NID1: variants seen among roughly 807,000 people sequenced by gnomAD.
NID1 encodes nidogen 1, also known as nidogen-1.
A neutral mutation model predicts 130.6 loss-of-function variants in NID1; 76 were observed. The ratio of observed to expected loss-of-function variants is 0.58; its 90% confidence interval spans 0.48 to 0.70. The LOEUF is 0.70. Ranked by LOEUF, NID1 falls within the 30% of genes least tolerant of loss-of-function variation. NID1 has a pLI of 0.00. For synonymous variants in NID1, 665 were observed against 675.1 expected (o/e 0.98, Z 0.23); for missense variants, 1,517 against 1,664.8 (o/e 0.91, Z 1.54).
At chr1:236,014,738 C>T (rs1027918600) in intron 10 of NID1, among the ~76,000 whole-genome samples, 3 of 152,168 alleles carry the variant, frequency 2.0e-5, no homozygotes, top group African/African-American at 7.2e-5. Context: ...TGCCATCATG[C>T]CCTGCACCAA....
At chr1:235,999,889 CAT>C (rs1207999843) in intron 12 of NID1, among the ~76,000 whole-genome samples, 1 of 152,150 alleles carries the variant, frequency 6.6e-6, no homozygotes, top group Non-Finnish European at 1.5e-5. Context: ...GGCCACGTCT[CAT>C]TACCATTAAC....
Position 235,979,097 on chromosome 1 carries a change from C to A in NID1, c.3520G>T (p.Val1174Phe). The A allele has an allele frequency of 6.2e-7, 1 of 1,611,688 alleles. No individual in the cohort carries two copies. The highest frequency in any genetic ancestry group is 8.5e-7 in the Non-Finnish European group (1 of 1,177,888). Residue 1174 changes from valine (V) to phenylalanine (F), a missense_variant, in exon 19 of 20, where the codon GTT becomes TTT. Val to Phe is a conservative substitution (Grantham distance 50). Around this residue, in one of 3 missense-constraint regions of NID1, gnomAD observed 181 missense variants for 211.3 expected, o/e 0.86. Transcript: ENST00000264187. This position sits in a 1 kb window ranked among gnomAD's most constrained non-coding sequence, Gnocchi z 4.6. ...TTGGAAATTGCAAGATCGAGAGCAA[C>A]CACGGAATTCCTACAAAGCACCAAA... ...YFTDWKMNSVVALDLAISKET... is the reference protein window; with the variant it reads ...YFTDWKMNSVFALDLAISKET...
chr1:236,064,819 T>C, intron 1 of NID1, 36 bp downstream of exon 1: 1 of 1,579,338 alleles, frequency 6.3e-7, no homozygotes, highest in Non-Finnish European at 8.6e-7. Flanking sequence ...CGCCGCGCCC[T>C]GCAGCCCCTC....
chr1:236,007,750 C>G (rs914668893), intron 12 of NID1, among the ~76,000 whole-genome samples: 1 of 152,168 alleles, frequency 6.6e-6, no homozygotes, highest in African/African-American at 2.4e-5. Flanking sequence ...AAGACCACAG[C>G]CCCGACTAAT....
chr1:235,985,324 C>A, intron 15 of NID1, 55 bp downstream of exon 15: 1 of 1,606,218 alleles, frequency 6.2e-7, no homozygotes, highest in South Asian at 1.1e-5. Context: ...CATACATGGC[C>A]ACTTTGGCTG....
intron 8 of NID1, 91 bp from the exon 9 acceptor site, chr1:236,024,304 C>A: frequency 1.4e-6 from 2 of 1,466,576 alleles, no homozygotes; most frequent in South Asian, 2.6e-5. Context: ...AACTGGTGAG[C>A]AAGAAGGTGA....
rs1346103577 is a variant in NID1 at position 235,977,286 on chromosome 1, A to AT, written c.*580dup. The AT allele has an allele frequency of 6.6e-6, 1 of 152,662 alleles. No individual in the cohort carries two copies. The highest frequency in any genetic ancestry group is 1.5e-5 in the Non-Finnish European group (1 of 68,404). The allele number at this position is 152,662 out of a possible 1,614,324, so 9.5% of individuals were successfully genotyped here. ...TTTGATGAAAAAGCAGCGCATGAAT[A>AT]TTATAATGGGGGTCTTAGACAAGAT... On this transcript the variant is annotated 3_prime_UTR_variant, in exon 20 of 20. Coordinates refer to ENST00000264187, the MANE Select transcript of NID1 (RefSeq NM_002508.3).
At chr1:235,985,279 G>A in intron 15 of NID1, 100 bp downstream of exon 15, 3 of 1,227,940 alleles carry the variant, frequency 2.4e-6, no homozygotes, top group Non-Finnish European at 2.4e-6. Flanking sequence ...AGAAATGTTT[G>A]TGAAAGTTTG....
At chr1:235,978,288 G>A (rs1350641470) in intron 19 of NID1, among the ~76,000 whole-genome samples, 1 of 152,202 alleles carries the variant, frequency 6.6e-6, no homozygotes, top group African/African-American at 2.4e-5. Context: ...TTATAACATA[G>A]AATTGGAATT....
In NID1 at chr1:236,048,873, G is replaced by A. The variant is rs768178715; in HGVS notation, c.342C>T (p.Thr114=). The change falls in exon 2 of 20, where the codon ACC becomes ACT. Residue 114 remains threonine, a synonymous_variant. Transcript: ENST00000264187. ...VAPFLADLDT[T]DGLGKVYYRE... is the part of the protein sequence containing the mutation. ...GATAATAAACCTTCCCCAGGCCATC[G>A]GTCGTGTCCAAGTCCGCCAGGAAAG... The A allele has an allele frequency of 1.7e-5, 27 of 1,613,966 alleles. No individual in the cohort carries two copies. The Admixed American group carries it at 1.8e-4, about 11-fold the overall frequency.
In NID1 at chr1:236,021,228, A is replaced by G. The variant is rs150732317; in HGVS notation, c.2128+2842T>C. 5.7e-3 allele frequency among the ~76,000 whole-genome samples: 875 copies of G among 152,348 alleles called. 10 individuals carry two copies. Among genetic ancestry groups the G allele is most frequent in the Middle Eastern group, 0.027 (8 of 294 alleles). ...TGCTGCTTTGAACTGGCCAGAGCCA[A>G]TTCAGCCATTCAAGGCTGTCAGGCT... On this transcript the variant is annotated intron_variant, in intron 9 of 19. Coordinates refer to ENST00000264187, the MANE Select transcript of NID1 (RefSeq NM_002508.3).
At chr1:236,039,384 T>A (rs1328961289) in intron 4 of NID1, among the ~76,000 whole-genome samples, 4 of 151,736 alleles carry the variant, frequency 2.6e-5, no homozygotes, top group Non-Finnish European at 5.9e-5. Context: ...TGGCTTATAT[T>A]CTTTTTAATT....
chr1:236,051,853 A>T (rs557907510), intron 1 of NID1, among the ~76,000 whole-genome samples: 41 of 152,292 alleles, frequency 2.7e-4, no homozygotes, highest in African/African-American at 8.9e-4. Context: ...TTTTGAAAAC[A>T]CTCTCAGTGT....
intron 5 of NID1, among the ~76,000 whole-genome samples, chr1:236,036,514 T>C (rs969937842): frequency 1.3e-5 from 2 of 152,232 alleles, no homozygotes; most frequent in Non-Finnish European, 2.9e-5. Context: ...AAGTTCCACA[T>C]TAAACACACA....
intron 4 of NID1, among the ~76,000 whole-genome samples, chr1:236,040,058 T>G (rs1389132411): frequency 6.6e-6 from 1 of 152,200 alleles, no homozygotes; most frequent in Non-Finnish European, 1.5e-5. Flanking sequence ...AGTAATACAC[T>G]GCCCCAAGTT....
chr1:235,991,355 C>T (rs761895154), intron 13 of NID1, among the ~76,000 whole-genome samples: 128 of 152,118 alleles, frequency 8.4e-4, no homozygotes, highest in Non-Finnish European at 1.5e-3. Context: ...TTTTTTGAGA[C>T]GGAGTCTTGC....
chr1:236,019,324 A>T (rs1658689268), intron 9 of NID1, among the ~76,000 whole-genome samples: 1 of 152,272 alleles, frequency 6.6e-6, no homozygotes, highest in African/African-American at 2.4e-5. Flanking sequence ...CTCCCAGCAC[A>T]GATGTCTGGA....
rs201287174 is a variant in NID1 at position 235,981,759 on chromosome 1, C to T, written c.3079G>A (p.Ala1027Thr). 49 of 1,613,076 alleles carry T rather than the reference C, an allele frequency of 3.0e-5. No individual in the cohort carries two copies. Among genetic ancestry groups the T allele is most frequent in the African/African-American group, 1.2e-4 (9 of 74,974 alleles). Residue 1027 changes from alanine to threonine, a missense_variant, in exon 16 of 20, where the codon GCT becomes ACT. Transcript: ENST00000264187. ...ATGTTGCGGCCAAGGTGATCAACAGCGATACCTTCTGGACTTCCAAGATCT... is the reference window on the plus strand; with the variant it reads ...ATGTTGCGGCCAAGGTGATCAACAGTGATACCTTCTGGACTTCCAAGATCT... ...RQDLGSPEGI[A>T]VDHLGRNIFW...
intron 6 of NID1, among the ~76,000 whole-genome samples, chr1:236,032,115 G>T (rs1659116076): frequency 6.6e-6 from 1 of 152,144 alleles, no homozygotes; most frequent in African/African-American, 2.4e-5. Flanking sequence ...GATATCACTT[G>T]TTCTGCCAGA....
Sources: allele counts gnomAD v4.1 joint callset (sites outside exome capture counted in the v4.1 genomes callset), GRCh38; gene constraint gnomAD v4.1.1; regional missense constraint gnomAD v4.1.1; non-coding constraint Gnocchi (gnomAD v3.1); transcripts MANE v1.5; gene names NCBI Gene and HGNC (gene_info 2026-07-23, HGNC 2026-07-21).